Variants in EPHA5 observed in about 807,000 individuals in gnomAD.
EPHA5 encodes ephrin type-A receptor 5.
In EPHA5, 60 loss-of-function variants were observed where a neutral mutation model predicts 105.0. That is an observed-to-expected ratio of 0.57 (90% CI 0.46 to 0.71). The LOEUF is 0.71. Ranked by LOEUF, EPHA5 falls within the 30% of genes least tolerant of loss-of-function variation. The probability of loss-of-function intolerance (pLI) is 0.00; values close to 1 mark genes in which losing one functional copy is unlikely to be tolerated. For missense variants in EPHA5, 1,218 were observed against 1,274.7 expected (o/e 0.96, Z 0.68); for synonymous variants, 513 against 449.1 (o/e 1.14, Z -1.80).
intron 2 of EPHA5, among the ~76,000 whole-genome samples, chr4:65,610,112 T>C (rs1744623270): frequency 6.6e-6 from 1 of 151,468 alleles, no homozygotes; most frequent in African/African-American, 2.4e-5. Context: ...GCGAACAGGA[T>C]AAAAAAATGT....
At chr4:65,460,862 C>A (rs1728058271) in intron 5 of EPHA5, among the ~76,000 whole-genome samples, 1 of 151,700 alleles carries the variant, frequency 6.6e-6, no homozygotes, top group Admixed American at 6.6e-5. Flanking sequence ...TTTTATACCA[C>A]AGTGATTTTT....
rs1423504045 is a variant in EPHA5 at position 65,576,054 on chromosome 4, GAAAGA to G, written c.910+25582_910+25586del. Among the ~76,000 whole-genome samples, 361 of 81,496 alleles carry G rather than the reference GAAAGA, an allele frequency of 4.4e-3. 9 individuals are homozygous for G. Among genetic ancestry groups the G allele is most frequent in the East Asian group, 7.9e-3 (18 of 2,292 alleles). 53.5% of individuals were successfully genotyped at this position (81,496 alleles called of 152,430 possible). ...AGAAAGAAAGAAAGAAAGAAAGAAA[GAAAGA>G]AAAGAAAAGAAAAGAAAAGAAAAGA... On this transcript the variant is annotated intron_variant, in intron 3 of 16. Transcript: ENST00000613740.
At chr4:65,440,111 A>C (rs1223926510) in intron 5 of EPHA5, among the ~76,000 whole-genome samples, 1 of 152,110 alleles carries the variant, frequency 6.6e-6, no homozygotes, top group Non-Finnish European at 1.5e-5. Context: ...ATACTTATTT[A>C]AACCAAAATA....
At chr4:65,370,132 A>G (rs927044225) in intron 8 of EPHA5, among the ~76,000 whole-genome samples, 13 of 152,124 alleles carry the variant, frequency 8.5e-5, no homozygotes, top group African/African-American at 3.1e-4. Flanking sequence ...ATGGCTTCAA[A>G]TTTTATTCAT....
At chr4:65,656,104 T>C (rs1402267473) in intron 1 of EPHA5, among the ~76,000 whole-genome samples, 1 of 147,362 alleles carries the variant, frequency 6.8e-6, no homozygotes, top group Non-Finnish European at 1.5e-5. Context: ...CACAGTGATT[T>C]CTTTTGAACT....
At chr4:65,569,538 C>A (rs1739903196) in intron 3 of EPHA5, among the ~76,000 whole-genome samples, 5 of 151,548 alleles carry the variant, frequency 3.3e-5, no homozygotes, top group Admixed American at 3.3e-4. Flanking sequence ...TCTGAGTCAA[C>A]TTGAATCTGG....
intron 8 of EPHA5, among the ~76,000 whole-genome samples, chr4:65,384,096 G>A (rs965193724): frequency 1.3e-5 from 2 of 151,842 alleles, no homozygotes; most frequent in Non-Finnish European, 2.9e-5. Context: ...GTTGTGCAGG[G>A]ACACAGGAGA....
chr4:65,510,038 T>C (rs1733449381), intron 3 of EPHA5, among the ~76,000 whole-genome samples: 1 of 150,380 alleles, frequency 6.6e-6, no homozygotes, highest in Non-Finnish European at 1.5e-5. Context: ...CTTCTTTTTT[T>C]TTTTTTTTTT....
rs369412311 is a variant in EPHA5 at position 65,351,508 on chromosome 4, C to T, written c.2326G>A (p.Val776Met). Residue 776 changes from valine to methionine, a missense_variant, in exon 13 of 17, where the codon GTG becomes ATG. Around this residue, in one of 3 missense-constraint regions of EPHA5, gnomAD observed 971 missense variants for 1,013.5 expected, o/e 0.96. Transcript: ENST00000613740. ...GMKYLSDMGY[V>M]HRDLAARNIL... ...TTTCTGGCAGCAAGATCTCTATGCA[C>T]ATAGCCCATGTCAGAAAGGTACTTC... 6.2e-7 allele frequency: 1 copy of T among 1,613,662 alleles called. No homozygotes were observed. Among genetic ancestry groups the T allele is most frequent in the East Asian group, 2.2e-5 (1 of 44,846 alleles).
At chr4:65,577,432 T>A (rs369436468) in intron 3 of EPHA5, among the ~76,000 whole-genome samples, 3 of 152,186 alleles carry the variant, frequency 2.0e-5, no homozygotes, top group Non-Finnish European at 2.9e-5. Context: ...TTTTAAAATC[T>A]GCTTTATTAT....
intron 8 of EPHA5, among the ~76,000 whole-genome samples, chr4:65,393,590 A>G (rs930870936): frequency 6.6e-6 from 1 of 152,178 alleles, no homozygotes; most frequent in African/African-American, 2.4e-5. Context: ...CTTCATTTTA[A>G]TCAATGCCTT....
intron 16 of EPHA5, 53 bp downstream of exon 16, chr4:65,331,920 A>G (rs2148797525): frequency 6.4e-7 from 1 of 1,557,230 alleles, no homozygotes; most frequent in Non-Finnish European, 8.7e-7. Flanking sequence ...TGGTTTTTGA[A>G]CAATTTTTCT....
intron 2 of EPHA5, among the ~76,000 whole-genome samples, chr4:65,641,220 G>T (rs1195492888): frequency 6.6e-6 from 1 of 152,126 alleles, no homozygotes; most frequent in East Asian, 1.9e-4. Flanking sequence ...GGCTTTTCAA[G>T]ACTACCTCAG....
chr4:65,514,932 T>C (rs1733960375), intron 3 of EPHA5, among the ~76,000 whole-genome samples: 1 of 152,148 alleles, frequency 6.6e-6, no homozygotes, highest in Non-Finnish European at 1.5e-5. Flanking sequence ...CCTCAGCCAA[T>C]ATTTCCTGTA....
chr4:65,350,615 T>C (rs1385493077), intron 13 of EPHA5, among the ~76,000 whole-genome samples: 1 of 152,082 alleles, frequency 6.6e-6, no homozygotes, highest in Non-Finnish European at 1.5e-5. Context: ...CATAAGGAAT[T>C]CAAACTCAAA....
At chr4:65,414,786 CTCCAATATAGTTAAT>C (rs1723236972) in intron 6 of EPHA5, among the ~76,000 whole-genome samples, 1 of 151,932 alleles carries the variant, frequency 6.6e-6, no homozygotes, top group Admixed American at 6.6e-5. Flanking sequence ...CTTTTTTTCC[CTCCAATATAGTTAAT>C]CGGAGCATGT....
intron 3 of EPHA5, among the ~76,000 whole-genome samples, chr4:65,587,628 C>A (rs908949872): frequency 6.6e-6 from 1 of 152,130 alleles, no homozygotes; most frequent in Non-Finnish European, 1.5e-5. Context: ...GTTAAAAAGT[C>A]TAGTTCGGTT....
In EPHA5 at chr4:65,323,610, G is replaced by A. The variant is rs796570096; in HGVS notation, c.*504C>T. On this transcript the variant is annotated 3_prime_UTR_variant, in exon 17 of 17. Coordinates refer to ENST00000613740, the MANE Select transcript of EPHA5 (RefSeq NM_001281766.3). ...GTAACAGCATTTTAAAATTACAAAA[G>A]AAGATATCTATTAAGAAATAATCTA... 1.3e-5 allele frequency: 3 copies of A among 230,256 alleles called. No homozygotes were observed. The highest frequency in any genetic ancestry group is 6.6e-5 in the African/African-American group (3 of 45,242). The allele number at this position is 230,256 out of a possible 1,614,324, so 14.3% of individuals were successfully genotyped here.
intron 2 of EPHA5, among the ~76,000 whole-genome samples, chr4:65,623,527 A>C (rs2149479699): frequency 6.6e-6 from 1 of 152,288 alleles, no homozygotes; most frequent in South Asian, 2.1e-4. Context: ...CATATAATAT[A>C]ATAGCATCAG....
Sources: gnomAD v4.1 joint callset for allele counts (sites outside exome capture counted in the v4.1 genomes callset) on GRCh38, gnomAD v4.1.1 for gene constraint, gnomAD v4.1.1 regional missense constraint, MANE v1.5 for transcripts, NCBI Gene and HGNC (gene_info 2026-07-23, HGNC 2026-07-21) for gene names.